The following GUCY1A2 variants were observed in gnomAD, a reference collection of about 807,000 sequenced individuals.
The protein encoded by GUCY1A2 is guanylate cyclase soluble subunit alpha-2.
A neutral mutation model predicts 63.5 loss-of-function variants in GUCY1A2; 27 were observed. The ratio of observed to expected loss-of-function variants is 0.43; its 90% CI spans 0.31 to 0.59. The LOEUF is 0.59. GUCY1A2 is among the 20% of genes least tolerant of loss of function. The pLI is 0.11. For synonymous variants in GUCY1A2, 364 were observed against 343.5 expected, an observed-to-expected ratio of 1.06 and a Z score of -0.66; for missense variants, 768 against 913.3, an observed-to-expected ratio of 0.84 and a Z score of 2.05.
At chr11:106,876,265 A>G (rs1859747245) in intron 4 of GUCY1A2, among the ~76,000 whole-genome samples, 1 of 152,094 alleles carries the variant, frequency 6.6e-6, no homozygotes, top group African/African-American at 2.4e-5. Flanking sequence ...ATTAGCAAAT[A>G]GGTGTTAAGA....
At chr11:106,787,513 GGAAA>G (rs1864578528) in intron 5 of GUCY1A2, among the ~76,000 whole-genome samples, 1 of 135,306 alleles carries the variant, frequency 7.4e-6, no homozygotes, top group Non-Finnish European at 1.6e-5. Context: ...GCAAGAAAAA[GGAAA>G]GAGAGAAAGG....
At chr11:106,965,309 T>C (rs1861113584) in intron 3 of GUCY1A2, among the ~76,000 whole-genome samples, 1 of 152,170 alleles carries the variant, frequency 6.6e-6, no homozygotes, top group African/African-American at 2.4e-5. Flanking sequence ...GAAATAATAA[T>C]ACCTAATTAT....
chr11:106,941,978 G>GTGT (rs1460826443), intron 3 of GUCY1A2, among the ~76,000 whole-genome samples: 2 of 152,130 alleles, frequency 1.3e-5, no homozygotes, highest in African/African-American at 4.8e-5. Context: ...CACATTGCCA[G>GTGT]GTTACAAGAC....
chr11:106,874,136 T>G (rs1591310126), intron 4 of GUCY1A2, among the ~76,000 whole-genome samples: 1 of 152,208 alleles, frequency 6.6e-6, no homozygotes, highest in African/African-American at 2.4e-5. Flanking sequence ...ATCTTTGATG[T>G]CTAGCACAAT....
intron 4 of GUCY1A2, among the ~76,000 whole-genome samples, chr11:106,886,482 C>A (rs994177271): frequency 1.3e-5 from 2 of 152,200 alleles, no homozygotes; most frequent in East Asian, 3.9e-4. Flanking sequence ...GACTCATGCA[C>A]AAACCTCATC....
intron 7 of GUCY1A2, among the ~76,000 whole-genome samples, chr11:106,695,127 A>G (rs1862694583): frequency 6.6e-6 from 1 of 152,090 alleles, no homozygotes; most frequent in Non-Finnish European, 1.5e-5. Context: ...TAAGCCAAAT[A>G]TCACTCAGGC....
chr11:106,876,452 G>T lies in GUCY1A2; in HGVS notation c.1206+63008C>A, dbSNP rs137958942. ...TTTGAGTCAAACAATTTATAGAAATGCATTGTATCCAACATACGTAAATAA... is the reference window on the plus strand; with the variant it reads ...TTTGAGTCAAACAATTTATAGAAATTCATTGTATCCAACATACGTAAATAA... On this transcript the variant is annotated intron_variant, in intron 4 of 7. Coordinates refer to ENST00000526355, the MANE Select transcript of GUCY1A2 (RefSeq NM_000855.3). 7.4e-3 allele frequency among the ~76,000 whole-genome samples: 1,120 copies of T among 152,082 alleles called. 8 individuals carry two copies. The highest frequency in any genetic ancestry group is 0.017 in the Middle Eastern group (5 of 294).
intron 6 of GUCY1A2, among the ~76,000 whole-genome samples, chr11:106,751,759 T>C (rs1863885904): frequency 6.6e-6 from 1 of 152,142 alleles, no homozygotes; most frequent in South Asian, 2.1e-4. Flanking sequence ...TAAATTTCAG[T>C]TTATTTAGTA....
At chr11:106,982,865 T>C (rs1429644841) in intron 2 of GUCY1A2, among the ~76,000 whole-genome samples, 1 of 152,188 alleles carries the variant, frequency 6.6e-6, no homozygotes, top group Non-Finnish European at 1.5e-5. Flanking sequence ...ATTTAGACTT[T>C]ATTCTACCAT....
chr11:106,702,895 C>A (rs1424335502), intron 7 of GUCY1A2, among the ~76,000 whole-genome samples: 1 of 152,052 alleles, frequency 6.6e-6, no homozygotes, highest in Non-Finnish European at 1.5e-5. Flanking sequence ...TATTGAGTGT[C>A]AACTTGATTG....
chr11:106,707,837 T>G (rs1026142732), intron 7 of GUCY1A2, among the ~76,000 whole-genome samples: 2 of 152,046 alleles, frequency 1.3e-5, no homozygotes, highest in Non-Finnish European at 2.9e-5. Context: ...TAAAAAGAAT[T>G]TAATGTTTTA....
intron 6 of GUCY1A2, among the ~76,000 whole-genome samples, chr11:106,745,694 A>G (rs1477641075): frequency 6.6e-6 from 1 of 152,212 alleles, no homozygotes; most frequent in Non-Finnish European, 1.5e-5. Flanking sequence ...CCTAAGATGC[A>G]CACACAACTG....
chr11:107,012,192 G>C (rs941594744), intron 1 of GUCY1A2, among the ~76,000 whole-genome samples: 2 of 151,744 alleles, frequency 1.3e-5, no homozygotes, highest in African/African-American at 4.8e-5. Context: ...GGCCAAAAAG[G>C]GACTCCAGTT....
chr11:106,732,389 T>C (rs1863520487), intron 6 of GUCY1A2, among the ~76,000 whole-genome samples: 2 of 152,146 alleles, frequency 1.3e-5, no homozygotes, highest in South Asian at 4.1e-4. Context: ...AAATATAGTA[T>C]ATTTTTATAT....
At chr11:106,843,847 T>G (rs1859233952) in intron 4 of GUCY1A2, among the ~76,000 whole-genome samples, 1 of 151,874 alleles carries the variant, frequency 6.6e-6, no homozygotes, top group South Asian at 2.1e-4. Context: ...AATGTCACAT[T>G]ACTTCGAAAA....
At chr11:106,850,430 AGAACAC>A (rs1859336718) in intron 4 of GUCY1A2, among the ~76,000 whole-genome samples, 1 of 151,824 alleles carries the variant, frequency 6.6e-6, no homozygotes, top group Non-Finnish European at 1.5e-5. Flanking sequence ...AAGGTGCTGC[AGAACAC>A]CAGAACCCAT....
chr11:106,961,425 C>G (rs1378384771), intron 3 of GUCY1A2, among the ~76,000 whole-genome samples: 1 of 151,992 alleles, frequency 6.6e-6, no homozygotes, highest in African/African-American at 2.4e-5. Context: ...TTTATTTTTT[C>G]CCATAAACTT....
At chr11:107,002,464 AT>A (rs1220053216) in intron 1 of GUCY1A2, among the ~76,000 whole-genome samples, 2 of 152,132 alleles carry the variant, frequency 1.3e-5, no homozygotes, top group Non-Finnish European at 2.9e-5. Flanking sequence ...ACATATATAT[AT>A]AAAACACTTT....
intron 3 of GUCY1A2, among the ~76,000 whole-genome samples, chr11:106,945,866 G>A (rs943003766): frequency 6.6e-5 from 10 of 152,294 alleles, no homozygotes; most frequent in African/African-American, 2.2e-4. Context: ...TGGGAAAGCT[G>A]AGGCAGGAGA....
Sources: gnomAD v4.1 joint callset for allele counts (sites outside exome capture counted in the v4.1 genomes callset) on GRCh38, gnomAD v4.1.1 for gene constraint, MANE v1.5 for transcripts, NCBI Gene and HGNC (gene_info 2026-07-23, HGNC 2026-07-21) for gene names.